The following TMEM132D variants were observed in gnomAD, a reference collection of about 807,000 sequenced individuals.
The protein encoded by TMEM132D is transmembrane protein 132D, also known as mature OL transmembrane protein.
In TMEM132D, 21 loss-of-function variants were observed where a neutral mutation model predicts 62.3. The observed-to-expected ratio is 0.34, with a 90% confidence interval of 0.24 to 0.49. The LOEUF (loss-of-function observed/expected upper bound fraction) is 0.49, where lower values mean the gene tolerates loss of function less well. Among genes scored for constraint, TMEM132D ranks in the 20% least tolerant of loss-of-function variants. The pLI, the probability that TMEM132D is intolerant of heterozygous loss-of-function variation, is 0.99. For missense variants in TMEM132D, 1,346 were observed against 1,402.8 expected (o/e 0.96, Z 0.65); for synonymous variants, 621 against 575.6 (o/e 1.08, Z -1.13).
intron 3 of TMEM132D, among the ~76,000 whole-genome samples, chr12:129,444,865 C>CTTACA (rs765768395): frequency 7.2e-5 from 11 of 152,166 alleles, no homozygotes; most frequent in Non-Finnish European, 1.5e-4. Context: ...AATAGGAATG[C>CTTACA]TTACACACTG....
chr12:129,706,554 T>A (rs1022989124), intron 1 of TMEM132D, among the ~76,000 whole-genome samples: 1 of 151,916 alleles, frequency 6.6e-6, no homozygotes, highest in African/African-American at 2.4e-5. Flanking sequence ...AAATGTTACA[T>A]ACCTCCTTTT....
chr12:129,126,835 C>A (rs1224275605), intron 5 of TMEM132D, among the ~76,000 whole-genome samples: 6 of 152,160 alleles, frequency 3.9e-5, no homozygotes, highest in African/African-American at 1.4e-4. Context: ...CAGGCAATTA[C>A]AAACAAGGGC....
chr12:129,581,682 C>T (rs1320855663), intron 2 of TMEM132D, among the ~76,000 whole-genome samples: 21 of 152,194 alleles, frequency 1.4e-4, no homozygotes, highest in Admixed American at 1.4e-3. Flanking sequence ...CCTAGCCGAG[C>T]TGGCAGCTGA....
At chr12:129,344,824 C>T (rs934193164) in intron 3 of TMEM132D, among the ~76,000 whole-genome samples, 4 of 152,016 alleles carry the variant, frequency 2.6e-5, no homozygotes, top group African/African-American at 9.7e-5. Flanking sequence ...CGATTTCCGT[C>T]CGTCTGCTTG....
intron 5 of TMEM132D, among the ~76,000 whole-genome samples, chr12:129,101,925 A>G (rs1040510241): frequency 2.6e-5 from 4 of 151,998 alleles, no homozygotes; most frequent in Non-Finnish European, 5.9e-5. Context: ...TTTGGACTCC[A>G]TGATTCATAA....
intron 4 of TMEM132D, among the ~76,000 whole-genome samples, chr12:129,316,946 G>C (rs1165906351): frequency 6.6e-6 from 1 of 152,028 alleles, no homozygotes; most frequent in East Asian, 1.9e-4. Context: ...AGTTTGTTTT[G>C]TCTGTTATAA....
At position 129,371,497 on chromosome 12, in the gene TMEM132D, A is replaced by G. The variant is rs1870598805; in HGVS notation, c.1116-33680T>C. Reference sequence around the variant, plus strand: ...TGATGTGATAATGGTGATAAAGATGACAGTGGCAATGATAATGGTGGTGAT... The same window carrying G: ...TGATGTGATAATGGTGATAAAGATGGCAGTGGCAATGATAATGGTGGTGAT... On this transcript the variant is annotated intron_variant, in intron 3 of 8. Transcript: ENST00000422113. The surrounding 1 kb of genome is among the most constrained non-coding windows in gnomAD (Gnocchi z 4.3). Among the ~76,000 whole-genome samples the G allele has an allele frequency of 1.3e-5, 2 of 151,934 alleles. No homozygotes were observed. Among genetic ancestry groups the G allele is most frequent in the Admixed American group, 6.6e-5 (1 of 15,226 alleles).
chr12:129,227,844 C>T lies in TMEM132D; in HGVS notation c.1300-18181G>A, dbSNP rs575993661. On this transcript the variant is annotated intron_variant, in intron 4 of 8. Transcript: ENST00000422113. ...ATTCCCACCTATGAGTGAGAATATGCGGTGTTTGGTTTTTTGTCCTTGCGA... is the reference window on the plus strand; with the variant it reads ...ATTCCCACCTATGAGTGAGAATATGTGGTGTTTGGTTTTTTGTCCTTGCGA... Among the ~76,000 whole-genome samples, 345 of 152,050 alleles carry T rather than the reference C, an allele frequency of 2.3e-3. 1 individual carries two copies. The highest frequency in any genetic ancestry group is 3.5e-3 in the African/African-American group (147 of 41,452).
chr12:129,528,961 T>C (rs1232172326), intron 3 of TMEM132D, among the ~76,000 whole-genome samples: 1 of 152,246 alleles, frequency 6.6e-6, no homozygotes, highest in Non-Finnish European at 1.5e-5. Context: ...TCTATATGCA[T>C]GCATGCATTT....
At chr12:129,144,354 GA>G (rs1438440778) in intron 5 of TMEM132D, among the ~76,000 whole-genome samples, 1 of 152,114 alleles carries the variant, frequency 6.6e-6, no homozygotes, top group East Asian at 1.9e-4. Flanking sequence ...ATGTCAAAAT[GA>G]TTTCTAACTT....
chr12:129,125,989 G>A (rs1876201828), intron 5 of TMEM132D, among the ~76,000 whole-genome samples: 1 of 152,128 alleles, frequency 6.6e-6, no homozygotes, highest in South Asian at 2.1e-4. Context: ...ACATGGTCAG[G>A]CTGGAGAACA....
rs989400748 is a variant in TMEM132D at position 129,697,487 on chromosome 12, A to G, written c.968+2323T>C. 4.6e-5 allele frequency among the ~76,000 whole-genome samples: 7 copies of G among 152,344 alleles called. No homozygotes were observed. In the East Asian group the frequency reaches 9.7e-4, roughly 21 times the overall value. The stretch of plus-strand genomic sequence containing the variant: ...AGCGTTTTAAGTATGCAGCAAGCAC[A>G]TTATTAATGCAACCTCTTAAAGAAA... On this transcript the variant is annotated intron_variant, in intron 2 of 8. Transcript: ENST00000422113.
chr12:129,209,583 G>A lies in TMEM132D; in HGVS notation c.1380C>T (p.Asp460=), dbSNP rs12815188. 3.0e-5 allele frequency: 48 copies of A among 1,614,020 alleles called. No individual in the cohort carries two copies. Among genetic ancestry groups the A allele is most frequent in the African/African-American group, 4.0e-5 (3 of 74,904 alleles). The change falls in exon 5 of 9, where the codon GAC becomes GAT. Residue 460 remains aspartate, a synonymous_variant. Transcript: ENST00000422113. The part of the protein sequence containing the change: ...VPVKVVSVED[D]GTVTELLESV... ...ACTCCAGCAGCTCTGTCACTGTGCCGTCGTCCTCCACGGAGACCACTTTCA... is the reference window on the plus strand; with the variant it reads ...ACTCCAGCAGCTCTGTCACTGTGCCATCGTCCTCCACGGAGACCACTTTCA...
chr12:129,269,419 CT>C (rs1328879415), intron 4 of TMEM132D, among the ~76,000 whole-genome samples: 1 of 151,982 alleles, frequency 6.6e-6, no homozygotes, highest in African/African-American at 2.4e-5. Flanking sequence ...TTCCTTCTTC[CT>C]TCCTTCCATC....
intron 3 of TMEM132D, among the ~76,000 whole-genome samples, chr12:129,505,404 G>A (rs149368356): frequency 0.022 from 3,416 of 151,972 alleles, 47 homozygotes; most frequent in Middle Eastern, 0.041. Context: ...CACCATGCCC[G>A]GCTAATTTTT....
chr12:129,903,116 C>CGCGCGCACACACACATGCACACAA lies in TMEM132D; in HGVS notation c.79+121_79+144dup, dbSNP rs1049872361. 5 of 885,404 alleles carry CGCGCGCACACACACATGCACACAA rather than the reference C, an allele frequency of 5.6e-6. No homozygotes were observed. The African/African-American group carries it at 8.4e-5, about 15-fold the overall frequency. The allele number at this position is 885,404 out of a possible 1,614,324, so 54.8% of individuals were successfully genotyped here. On this transcript the variant is annotated intron_variant, in intron 1 of 8. Transcript: ENST00000422113. The surrounding 1 kb of genome is among the most constrained non-coding windows in gnomAD (Gnocchi z 6.2). ...GCTGCCGCACGAGCGCACGTTCACA[C>CGCGCGCACACACACATGCACACAA]GCGCGCACACACACATGCACACAAG...
chr12:129,623,758 CACACATATATAT>C (rs1392740848), intron 2 of TMEM132D, among the ~76,000 whole-genome samples: 1 of 123,066 alleles, frequency 8.1e-6, no homozygotes, highest in Non-Finnish European at 1.7e-5. Flanking sequence ...CATATATATA[CACACATATATAT>C]ACACATATAT....
intron 2 of TMEM132D, among the ~76,000 whole-genome samples, chr12:129,562,238 G>T (rs2137113941): frequency 6.6e-6 from 1 of 152,176 alleles, no homozygotes; most frequent in South Asian, 2.1e-4. Context: ...GTCATATCTG[G>T]GTTCATGTGT....
chr12:129,351,011 C>A (rs1258892479), intron 3 of TMEM132D, among the ~76,000 whole-genome samples: 1 of 152,144 alleles, frequency 6.6e-6, no homozygotes, highest in Non-Finnish European at 1.5e-5. Flanking sequence ...AGACTGAAAC[C>A]CACGATATAG....
Sources: allele counts gnomAD v4.1 joint callset (sites outside exome capture counted in the v4.1 genomes callset), GRCh38; gene constraint gnomAD v4.1.1; non-coding constraint Gnocchi (gnomAD v3.1); transcripts MANE v1.5; gene names NCBI Gene and HGNC (gene_info 2026-07-23, HGNC 2026-07-21).